Variants in PDE7B observed in about 807,000 individuals in gnomAD.
The protein encoded by PDE7B is 3',5'-cyclic-AMP phosphodiesterase 7B.
In PDE7B, 29 loss-of-function variants were observed where a neutral mutation model predicts 56.2. That is an observed-to-expected ratio of 0.52 (90% CI 0.38 to 0.70). PDE7B has a LOEUF of 0.70. Ranked by LOEUF, PDE7B falls within the 30% of genes least tolerant of loss-of-function variation. PDE7B has a pLI of 0.00. For missense variants in PDE7B, 490 were observed against 565.0 expected (o/e 0.87, Z 1.35); for synonymous variants, 197 against 196.9 (o/e 1.00, Z 0.00).
chr6:136,176,675 T>C (rs1275053700), intron 9 of PDE7B, among the ~76,000 whole-genome samples: 7 of 152,124 alleles, frequency 4.6e-5, no homozygotes, highest in Non-Finnish European at 8.8e-5. Flanking sequence ...GGTCAGATTA[T>C]TTATGTTCAT....
chr6:136,133,255 A>G lies in PDE7B; in HGVS notation c.167-14096A>G, dbSNP rs116153569. ...AATAATAATAATATTAATAATAATA[A>G]AACAAGAAGGGGCTGCCAAAAAAAA... On this transcript the variant is annotated intron_variant, in intron 3 of 12. Coordinates refer to ENST00000308191, the MANE Select transcript of PDE7B (RefSeq NM_018945.4). 4.2e-3 allele frequency among the ~76,000 whole-genome samples: 631 copies of G among 151,256 alleles called. 2 individuals carry two copies. The highest frequency in any genetic ancestry group is 0.014 in the African/African-American group (586 of 41,364).
intron 8 of PDE7B, among the ~76,000 whole-genome samples, chr6:136,173,586 C>T (rs1416849969): frequency 1.3e-5 from 2 of 152,068 alleles, no homozygotes; most frequent in Non-Finnish European, 2.9e-5. Context: ...GAGGGTGAGC[C>T]GCAGGCCCTG....
chr6:136,037,310 C>T (rs1162660715), intron 2 of PDE7B: 20 of 561,880 alleles, frequency 3.6e-5, no homozygotes, highest in Non-Finnish European at 4.5e-5. Flanking sequence ...TTCCCGAATT[C>T]GCATCTTTCG....
intron 1 of PDE7B, among the ~76,000 whole-genome samples, chr6:135,931,806 A>T (rs753239794): frequency 1.6e-4 from 24 of 152,216 alleles, no homozygotes; most frequent in Non-Finnish European, 2.8e-4. Context: ...ATGTGTGTAC[A>T]TGTGTATGGG....
chr6:136,030,267 C>T (rs1776224807), intron 2 of PDE7B, among the ~76,000 whole-genome samples: 1 of 152,220 alleles, frequency 6.6e-6, no homozygotes, highest in East Asian at 1.9e-4. Context: ...TCATAGAAAT[C>T]TGGTAATGTT....
Position 135,957,002 on chromosome 6 carries a change from T to A in PDE7B, c.82+9478T>A, listed in dbSNP as rs145993990. Among the ~76,000 whole-genome samples the A allele has an allele frequency of 4.8e-3, 734 of 151,948 alleles. 9 individuals are homozygous for A. The highest frequency in any genetic ancestry group is 0.015 in the African/African-American group (639 of 41,444). On this transcript the variant is annotated intron_variant, in intron 2 of 12. Transcript: ENST00000308191. Reference sequence around the variant, plus strand: ...AAGGGTTTCTTAGGATAGGAAGGATTTGAGAATGTTTTGATGGTGAGAGGA... The same window carrying A: ...AAGGGTTTCTTAGGATAGGAAGGATATGAGAATGTTTTGATGGTGAGAGGA...
intron 1 of PDE7B, among the ~76,000 whole-genome samples, chr6:135,932,091 T>G (rs947282735): frequency 2.0e-5 from 3 of 151,370 alleles, no homozygotes; most frequent in Non-Finnish European, 2.9e-5. Flanking sequence ...AAGAAAAAAA[T>G]GTAAAGTAGA....
chr6:136,031,288 A>G (rs1776241583), intron 2 of PDE7B, among the ~76,000 whole-genome samples: 1 of 152,174 alleles, frequency 6.6e-6, no homozygotes, highest in Non-Finnish European at 1.5e-5. Context: ...CCTGTTAAAA[A>G]TGCAGAGTCT....
At chr6:136,102,725 T>C (rs373137233) in intron 2 of PDE7B, among the ~76,000 whole-genome samples, 22 of 152,204 alleles carry the variant, frequency 1.4e-4, no homozygotes, top group Admixed American at 1.2e-3. Context: ...TTTCTCATTT[T>C]CCCTCTGAAA....
At chr6:136,180,597 A>C (rs1008913841) in intron 10 of PDE7B, among the ~76,000 whole-genome samples, 3 of 152,222 alleles carry the variant, frequency 2.0e-5, no homozygotes, top group Admixed American at 6.5e-5. Context: ...GTGGTGGTTA[A>C]AAGAGAATCT....
At chr6:136,096,479 G>GGT (rs1416043314) in intron 2 of PDE7B, among the ~76,000 whole-genome samples, 3 of 127,892 alleles carry the variant, frequency 2.3e-5, no homozygotes, top group African/African-American at 9.5e-5. Context: ...CCCAATGAAT[G>GGT]CTTTTTTTTT....
rs181998014 is a variant in PDE7B at position 136,122,801 on chromosome 6, G to A, written c.166+13987G>A. Among the ~76,000 whole-genome samples the A allele has an allele frequency of 5.0e-3, 757 of 152,270 alleles. 2 individuals are homozygous for A. Among genetic ancestry groups the A allele is most frequent in the Middle Eastern group, 0.01 (3 of 294 alleles). ...ACTAAGGAAGTAGAGAGGTTCAGTA[G>A]CTGTATGGGAGCATAGTCAGGTTGC... On this transcript the variant is annotated intron_variant, in intron 3 of 12. Coordinates refer to ENST00000308191, the MANE Select transcript of PDE7B (RefSeq NM_018945.4).
chr6:135,858,299 T>G (rs1303511751), intron 1 of PDE7B, among the ~76,000 whole-genome samples: 1 of 151,884 alleles, frequency 6.6e-6, no homozygotes, highest in African/African-American at 2.4e-5. Flanking sequence ...ATTACAGGCA[T>G]GCACCACCAC....
At chr6:136,186,006 CT>C (rs1218937385) in intron 11 of PDE7B, among the ~76,000 whole-genome samples, 1 of 152,000 alleles carries the variant, frequency 6.6e-6, no homozygotes, top group Non-Finnish European at 1.5e-5. Context: ...TACATTTCTC[CT>C]TTGATCTTCT....
rs184942039 is a variant in PDE7B at position 135,960,282 on chromosome 6, T to C, written c.82+12758T>C. The stretch of plus-strand genomic sequence containing the variant: ...TTTTTCCCTTGTAGCAACTGTACCA[T>C]TGAAAATGGAGAAGTGTTTGACTAA... On this transcript the variant is annotated intron_variant, in intron 2 of 12. Transcript: ENST00000308191. Among the ~76,000 whole-genome samples the C allele has an allele frequency of 2.4e-4, 36 of 152,312 alleles. No individual in the cohort carries two copies. The East Asian group carries it at 5.4e-3, about 23-fold the overall frequency.
At chr6:135,924,473 C>T (rs2327657) in intron 1 of PDE7B, among the ~76,000 whole-genome samples, 43,628 of 151,924 alleles carry the variant, frequency 0.29, 7,569 homozygotes, top group East Asian at 0.37. Context: ...AGCAAGGTGA[C>T]GTGTCCGAAG....
intron 2 of PDE7B, among the ~76,000 whole-genome samples, chr6:135,953,818 C>A (rs115325862): frequency 0.013 from 2,050 of 152,238 alleles, 61 homozygotes; most frequent in African/African-American, 0.045. Context: ...CTTGACTTAA[C>A]AAGTAAAGAC....
At position 136,192,292 on chromosome 6, in the gene PDE7B, C is replaced by T. The variant is rs1779243237; in HGVS notation, c.*452C>T. The T allele has an allele frequency of 6.5e-6, 1 of 153,814 alleles. No individual in the cohort carries two copies. The highest frequency in any genetic ancestry group is 2.4e-5 in the African/African-American group (1 of 41,452). 9.5% of individuals were successfully genotyped at this position (153,814 alleles called of 1,614,324 possible). On this transcript the variant is annotated 3_prime_UTR_variant, in exon 13 of 13. Transcript: ENST00000308191. ...GATATTGGTCTTAAGTGCAAGAGCA[C>T]AAATGAGAGTGTGAGAGAAAGTACC...
At chr6:136,190,975 A>G (rs1583935675) in intron 12 of PDE7B, among the ~76,000 whole-genome samples, 1 of 136,122 alleles carries the variant, frequency 7.3e-6, no homozygotes, top group Non-Finnish European at 1.5e-5. Context: ...TGCCCTCTCC[A>G]TCCCTTCTCC....
Sources: allele counts gnomAD v4.1 joint callset (sites outside exome capture counted in the v4.1 genomes callset), GRCh38; gene constraint gnomAD v4.1.1; transcripts MANE v1.5; gene names NCBI Gene and HGNC (gene_info 2026-07-23, HGNC 2026-07-21).